Variants in MTFR1 observed in about 807,000 individuals in gnomAD.
The protein encoded by MTFR1 is mitochondrial fission regulator 1.
In MTFR1, 28 loss-of-function variants were observed where a neutral mutation model predicts 38.8. The ratio of observed to expected loss-of-function variants is 0.72; its 90% CI spans 0.53 to 0.99. The LOEUF is 0.99. MTFR1 is among the 50% of genes least tolerant of loss of function. The pLI is 0.00. For missense variants in MTFR1, 358 were observed against 395.5 expected, an observed-to-expected ratio of 0.91 and a Z score of 0.81; for synonymous variants, 145 against 137.0, an observed-to-expected ratio of 1.06 and a Z score of -0.41.
At chr8:65,667,479 G>A (rs187737926) in intron 1 of MTFR1, among the ~76,000 whole-genome samples, 25 of 152,016 alleles carry the variant, frequency 1.6e-4, no homozygotes, top group Middle Eastern at 6.8e-3. Context: ...CCAGGCTGGA[G>A]TTCAGTGGCG....
intron 3 of MTFR1, among the ~76,000 whole-genome samples, chr8:65,692,887 T>C (rs1292033895): frequency 8.0e-5 from 12 of 150,922 alleles, no homozygotes; most frequent in Non-Finnish European, 1.3e-4. Context: ...GGTCTTTTGC[T>C]TGTTCTTTTT....
At chr8:65,684,383 T>C (rs1309151009) in intron 3 of MTFR1, among the ~76,000 whole-genome samples, 6 of 151,718 alleles carry the variant, frequency 4.0e-5, no homozygotes, top group Non-Finnish European at 7.4e-5. Flanking sequence ...TCCAGTTATA[T>C]TGAGTCTTTT....
At chr8:65,710,749 T>C (rs1297491687), downstream of MTFR1, among the ~76,000 whole-genome samples, 3 of 152,270 alleles carry the variant, frequency 2.0e-5, no homozygotes, top group Admixed American at 6.5e-5. Flanking sequence ...AGGACAGTCA[T>C]GAGGTATCAC....
At chr8:65,700,794 T>A (rs1218623161) in intron 4 of MTFR1, among the ~76,000 whole-genome samples, 3 of 152,226 alleles carry the variant, frequency 2.0e-5, no homozygotes, top group Non-Finnish European at 4.4e-5. Context: ...ATACCTCTCT[T>A]ACAATTTGCC....
chr8:65,747,033 A>C (rs1807703867), intron 3 of MTFR1, among the ~76,000 whole-genome samples: 1 of 152,218 alleles, frequency 6.6e-6, no homozygotes, highest in South Asian at 2.1e-4. Context: ...TCAGTAAGAC[A>C]TTTCTTTTAA....
upstream of MTFR1, chr8:65,644,649 G>C (rs961963236): frequency 6.6e-6 from 1 of 152,352 alleles, no homozygotes; most frequent in Middle Eastern, 3.4e-3. Context: ...GCCCGCCTCC[G>C]AGCCTGAGGA....
chr8:65,656,057 A>T (rs1360042931), intron 1 of MTFR1, among the ~76,000 whole-genome samples: 5 of 146,126 alleles, frequency 3.4e-5, no homozygotes, highest in African/African-American at 1.3e-4. Flanking sequence ...ATAGCCAGGC[A>T]TGGTGGTGCA....
intron 3 of MTFR1, among the ~76,000 whole-genome samples, chr8:65,736,162 C>T (rs544976400): frequency 6.6e-6 from 1 of 152,246 alleles, no homozygotes; most frequent in East Asian, 1.9e-4. Flanking sequence ...AGCATCACAA[C>T]TCTTGTGCTT....
intron 3 of MTFR1, among the ~76,000 whole-genome samples, chr8:65,691,222 G>C (rs1805266111): frequency 6.6e-6 from 1 of 152,056 alleles, no homozygotes; most frequent in Admixed American, 6.6e-5. Flanking sequence ...TTGGTATTTT[G>C]AAAGCCTTTT....
At chr8:65,712,600 AAGGAACAGACATG>A (rs1378868048), downstream of MTFR1, among the ~76,000 whole-genome samples, 1 of 152,236 alleles carries the variant, frequency 6.6e-6, no homozygotes, top group African/African-American at 2.4e-5. Context: ...ATTTTACTTT[AAGGAACAGACATG>A]TTATAGGTTA....
At position 65,761,254 on chromosome 8, in the gene MTFR1, T is replaced by C. The variant is rs560508033; in HGVS notation, c.*49-9693T>C. ...CTAATGTTTGTATTTTTAGTAGAGA[T>C]GGGGTTTCACCATGTTGGCCAGGCT... is the stretch of plus-strand genomic sequence containing the variant. On this transcript the variant is annotated intron_variant, in intron 3 of 3. Coordinates refer to the MTFR1 transcript ENST00000521247. 8.6e-5 allele frequency among the ~76,000 whole-genome samples: 13 copies of C among 151,866 alleles called. No homozygotes were observed. In the South Asian group the frequency reaches 2.3e-3, roughly 27 times the overall value.
At chr8:65,672,731 T>G (rs1804598116) in intron 2 of MTFR1, among the ~76,000 whole-genome samples, 1 of 152,214 alleles carries the variant, frequency 6.6e-6, no homozygotes, top group Admixed American at 6.5e-5. Flanking sequence ...ACTTGATGCT[T>G]CTTCATCTTG....
intron 3 of MTFR1, among the ~76,000 whole-genome samples, chr8:65,769,108 C>T (rs1326119541): frequency 5.9e-5 from 9 of 151,700 alleles, no homozygotes. Context: ...ATTAGCCGGG[C>T]GTGATGGCAG....
intron 3 of MTFR1, among the ~76,000 whole-genome samples, chr8:65,730,920 C>G (rs1806858033): frequency 6.6e-6 from 1 of 152,150 alleles, no homozygotes; most frequent in South Asian, 2.1e-4. Context: ...GAGACTCCAT[C>G]TGAAAAACAA....
intron 2 of MTFR1, among the ~76,000 whole-genome samples, chr8:65,679,116 T>C (rs1804803946): frequency 6.6e-6 from 1 of 152,184 alleles, no homozygotes; most frequent in African/African-American, 2.4e-5. Context: ...AGACCTTTGC[T>C]TGCTGGAGGG....
chr8:65,746,427 T>C (rs763816175), intron 3 of MTFR1, among the ~76,000 whole-genome samples: 7 of 152,184 alleles, frequency 4.6e-5, no homozygotes, highest in Admixed American at 6.5e-5. Context: ...TTCTAACTTA[T>C]GGATATGTAT....
At chr8:65,776,615 C>A in the MTFR1 span, among the ~76,000 whole-genome samples, 1 of 152,104 alleles carries the variant, frequency 6.6e-6, no homozygotes, top group Non-Finnish European at 1.5e-5. Flanking sequence ...TAGAGTTATA[C>A]ATATCTTTAG....
intron 2 of MTFR1, among the ~76,000 whole-genome samples, chr8:65,672,961 T>A (rs1023654236): frequency 3.9e-5 from 6 of 152,232 alleles, no homozygotes; most frequent in African/African-American, 1.4e-4. Context: ...TGCTTTCTTA[T>A]CATTCATGTG....
chr8:65,724,868 C>T (rs372221056), intron 3 of MTFR1: 33 of 1,610,314 alleles, frequency 2.0e-5, no homozygotes, highest in Admixed American at 6.7e-5. Context: ...CTCATTCTGG[C>T]GACTGATGTC....
Sources: gnomAD v4.1 joint callset for allele counts (sites outside exome capture counted in the v4.1 genomes callset) on GRCh38, gnomAD v4.1.1 for gene constraint, MANE v1.5 for transcripts, NCBI Gene and HGNC (gene_info 2026-07-23, HGNC 2026-07-21) for gene names.